The following DDX60 variants were observed in gnomAD, a reference collection of about 807,000 sequenced individuals.
DDX60 encodes the protein DExD/H-box helicase 60.
A neutral mutation model predicts 212.8 loss-of-function variants in DDX60; 165 were observed. The ratio of observed to expected loss-of-function variants is 0.78; its 90% CI spans 0.68 to 0.88. The LOEUF is 0.88. Ranked by LOEUF, DDX60 falls within the 40% of genes least tolerant of loss-of-function variation. DDX60 has a pLI of 0.00. For missense variants in DDX60, 1,905 were observed against 2,003.9 expected, an observed-to-expected ratio of 0.95 and a Z score of 0.94; for synonymous variants, 703 against 685.3, an observed-to-expected ratio of 1.03 and a Z score of -0.40.
intron 1 of DDX60, among the ~76,000 whole-genome samples, chr4:168,317,077 G>A (rs867417674): frequency 0.03 from 4,042 of 135,488 alleles, 73 homozygotes; most frequent in Non-Finnish European, 0.046. Flanking sequence ...AAAAAAAAAA[G>A]AAGAAGAAGA....
chr4:168,219,985 G>A (rs770168428), intron 37 of DDX60, among the ~76,000 whole-genome samples: 6 of 151,736 alleles, frequency 4.0e-5, no homozygotes, highest in Non-Finnish European at 2.9e-5. Flanking sequence ...GTGGTGAGCC[G>A]AGATCATACC....
intron 37 of DDX60, 177 bp downstream of exon 37, chr4:168,220,478 T>C (rs1733013916): frequency 2.1e-6 from 1 of 472,356 alleles, no homozygotes; most frequent in African/African-American, 2.1e-5. Flanking sequence ...GTTATAGAAA[T>C]AATACAACAC....
At chr4:168,262,886 A>G in intron 22 of DDX60, 99 bp from the exon 23 acceptor site, 1 of 682,118 alleles carries the variant, frequency 1.5e-6, no homozygotes, top group Non-Finnish European at 2.3e-6. Context: ...CTGAAAGGCA[A>G]TAAACTAAAA....
At chr4:168,291,946 G>A (rs372159433) in intron 7 of DDX60, 40 bp from the exon 8 acceptor site, 2 of 1,474,778 alleles carry the variant, frequency 1.4e-6, no homozygotes, top group Non-Finnish European at 1.8e-6. Context: ...AGAACAGCAG[G>A]GTGTGACATT....
Position 168,273,347 on chromosome 4 carries a change from G to T in DDX60, c.2506C>A (p.Leu836Met). 6.2e-7 allele frequency: 1 copy of T among 1,613,942 alleles called. No homozygotes were observed. The change falls in exon 18 of 38, where the codon CTG becomes ATG. Residue 836 changes from leucine to methionine, a missense_variant. By Grantham distance (15) the Leu-to-Met change is conservative. Coordinates refer to ENST00000393743, the MANE Select transcript of DDX60 (RefSeq NM_017631.6). ...ATVQNRFTKN[L>M]PSGEVLCGVF... is the part of the protein sequence containing the mutation. Reference sequence around the variant, plus strand: ...CCACAGAGAACTTCACCACTTGGCAGATTTTTCGTAAAACGATTCTGAACA... The same window carrying T: ...CCACAGAGAACTTCACCACTTGGCATATTTTTCGTAAAACGATTCTGAACA...
chr4:168,272,058 A>G lies in DDX60; in HGVS notation c.2655T>C (p.Tyr885=). 1.3e-6 allele frequency: 2 copies of G among 1,581,686 alleles called. No homozygotes were observed. The highest frequency in any genetic ancestry group is 8.6e-7 in the Non-Finnish European group (1 of 1,161,010). ...HRQNWVKKIR[Y]VIFDEVHCLG... is the part of the protein sequence containing the mutation. ...CCAAACCTACCTCATCAAATATAAC[A>G]TATCTGATCTTTTTCACCCAGTTTT... Residue 885 remains tyrosine, a synonymous_variant, in exon 19 of 38, where the codon TAT becomes TAC. Coordinates refer to ENST00000393743, the MANE Select transcript of DDX60 (RefSeq NM_017631.6).
At position 168,276,035 on chromosome 4, in the gene DDX60, T is replaced by A. The variant is rs1260681554; in HGVS notation, c.2125A>T (p.Ser709Cys). 1 of 1,612,456 alleles carries A rather than the reference T, an allele frequency of 6.2e-7. No individual in the cohort carries two copies. Among genetic ancestry groups the A allele is most frequent in the South Asian group, 1.1e-5 (1 of 90,776 alleles). The stretch of plus-strand genomic sequence containing the variant: ...ATTACCTGGGCTGGATGTAAAGAAC[T>A]TGCCAACTCATCAAATCCTAAATAC... ...LKYLGFDELA[S>C]SLHPAQDAEN... The change falls in exon 15 of 38, where the codon AGT (serine) becomes TGT (cysteine). Residue 709 changes from serine (S) to cysteine (C), a missense_variant. By Grantham distance (112) the Ser-to-Cys change is moderately radical. Coordinates refer to ENST00000393743, the MANE Select transcript of DDX60 (RefSeq NM_017631.6).
At chr4:168,247,508 C>T (rs780584070) in intron 29 of DDX60, among the ~76,000 whole-genome samples, 5 of 152,134 alleles carry the variant, frequency 3.3e-5, no homozygotes, top group Admixed American at 6.5e-5. Flanking sequence ...TTGATAAAAA[C>T]CTGCATGTGG....
intron 8 of DDX60, 136 bp from the exon 9 acceptor site, chr4:168,288,451 G>T: frequency 1.8e-6 from 1 of 546,444 alleles, no homozygotes; most frequent in Non-Finnish European, 3.2e-6. Flanking sequence ...ATTCAGGCTG[G>T]GTAATGGTGA....
intron 9 of DDX60, among the ~76,000 whole-genome samples, chr4:168,287,458 C>T (rs1340512871): frequency 2.0e-5 from 3 of 152,116 alleles, no homozygotes; most frequent in African/African-American, 4.8e-5. Flanking sequence ...ACAAACGCAT[C>T]GTGAACATTT....
At chr4:168,285,901 AAGGAAGGAAGG>A (rs1421404261) in intron 10 of DDX60, among the ~76,000 whole-genome samples, 11 of 41,840 alleles carry the variant, frequency 2.6e-4, no homozygotes, top group African/African-American at 1.7e-3. Context: ...GGAAGAAAGG[AAGGAAGGAAGG>A]AAGGAAGGAA....
intron 36 of DDX60, 55 bp downstream of exon 36, chr4:168,221,675 C>G: frequency 6.6e-7 from 1 of 1,506,830 alleles, no homozygotes; most frequent in East Asian, 2.3e-5. Flanking sequence ...TAAATTAATT[C>G]ATTAGAGATG....
Position 168,248,176 on chromosome 4 carries a change from A to AT in DDX60, c.3963+11dup, listed in dbSNP as rs749961804. The AT allele has an allele frequency of 6.3e-7, 1 of 1,575,094 alleles. No individual in the cohort carries two copies. The highest frequency in any genetic ancestry group is 1.9e-5 in the Admixed American group (1 of 53,986). The stretch of plus-strand genomic sequence containing the variant: ...AGCAATACAATAAGCAAGTTTATGC[A>AT]TTTTGCAATACCTGTCTATAATTCA... On this transcript the variant is annotated intron_variant, in intron 29 of 37. Transcript: ENST00000393743.
chr4:168,262,352 A>G (rs923517101), intron 23 of DDX60, among the ~76,000 whole-genome samples: 4 of 152,134 alleles, frequency 2.6e-5, no homozygotes, highest in Admixed American at 2.0e-4. Context: ...ACAAACAGCA[A>G]TTGGGACTTA....
chr4:168,266,440 C>A lies in DDX60; in HGVS notation c.3039+1142G>T, dbSNP rs1486880521. On this transcript the variant is annotated intron_variant, in intron 22 of 37. Transcript: ENST00000393743. ...ACTATATGCATGTAAACAACTTAAG[C>A]AGTAAGCTCATCATGGCTGGTGTCG... 5.3e-5 allele frequency among the ~76,000 whole-genome samples: 8 copies of A among 152,138 alleles called. 1 individual carries two copies. The highest frequency in any genetic ancestry group is 3.9e-4 in the Admixed American group (6 of 15,278).
intron 8 of DDX60, among the ~76,000 whole-genome samples, chr4:168,290,328 C>CTTTTTTT (rs547452038): frequency 8.0e-6 from 1 of 124,260 alleles, no homozygotes; most frequent in Non-Finnish European, 1.7e-5. Context: ...CTTTTCTTTT[C>CTTTTTTT]TTTTTTTTTT....
Position 168,311,267 on chromosome 4 carries a change from G to A in DDX60, c.-8C>T, listed in dbSNP as rs1737121941. On this transcript the variant is annotated 5_prime_UTR_variant, in exon 2 of 38. Coordinates refer to ENST00000393743, the MANE Select transcript of DDX60 (RefSeq NM_017631.6). ...AAGTGGAAAATTACCCATTCTTGCT[G>A]CTGCCTGTGCCTCCAACCTGAACTG... is the stretch of plus-strand genomic sequence containing the variant. 3.1e-6 allele frequency: 5 copies of A among 1,612,450 alleles called. No individual in the cohort carries two copies. The highest frequency in any genetic ancestry group is 1.7e-5 in the Admixed American group (1 of 59,902).
At position 168,284,905 on chromosome 4, in the gene DDX60, T is replaced by C; in HGVS notation, c.1476A>G (p.Lys492=). Residue 492 remains lysine (K), a synonymous_variant, in exon 12 of 38, where the codon AAA becomes AAG. Coordinates refer to ENST00000393743, the MANE Select transcript of DDX60 (RefSeq NM_017631.6). ...GCACAAGTTCATCAAATTCCTTTTGTTTAACCAGTGAAGTAACAATAGGAT... is the reference window on the plus strand; with the variant it reads ...GCACAAGTTCATCAAATTCCTTTTGCTTAACCAGTGAAGTAACAATAGGAT... ...SDDPIVTSLV[K]QKEFDELVHW... 4 of 1,596,860 alleles carry C rather than the reference T, an allele frequency of 2.5e-6. No individual in the cohort carries two copies. The highest frequency in any genetic ancestry group is 1.7e-4 in the Middle Eastern group (1 of 5,978).
intron 25 of DDX60, among the ~76,000 whole-genome samples, chr4:168,256,996 T>C (rs1391972701): frequency 6.6e-6 from 1 of 152,190 alleles, no homozygotes; most frequent in Non-Finnish European, 1.5e-5. Context: ...TTTCATATAG[T>C]AGACAATAAA....
Sources: gnomAD v4.1 joint callset for allele counts (sites outside exome capture counted in the v4.1 genomes callset) on GRCh38, gnomAD v4.1.1 for gene constraint, MANE v1.5 for transcripts, NCBI Gene and HGNC (gene_info 2026-07-23, HGNC 2026-07-21) for gene names.